ALK: variants seen among roughly 807,000 people sequenced by gnomAD.
ALK encodes the protein ALK tyrosine kinase receptor.
In ALK, 74 loss-of-function variants were observed where a neutral mutation model predicts 163.1. The observed-to-expected ratio is 0.45, with a 90% CI of 0.38 to 0.55. The LOEUF (loss-of-function observed/expected upper bound fraction) is 0.55, where lower values mean the gene tolerates loss of function less well. ALK is among the 20% of genes least tolerant of loss of function. The probability of loss-of-function intolerance (pLI) is 0.00; values close to 1 mark genes in which losing one functional copy is unlikely to be tolerated. For synonymous variants in ALK, 960 were observed against 843.2 expected (o/e 1.14, Z -2.40); for missense variants, 2,063 against 2,105.3 (o/e 0.98, Z 0.39).
intron 1 of ALK, among the ~76,000 whole-genome samples, chr2:29,834,045 G>A (rs1665493328): frequency 6.6e-6 from 1 of 152,130 alleles, no homozygotes; most frequent in African/African-American, 2.4e-5. Flanking sequence ...TGGGGTATAC[G>A]AAAGCACTTT....
intron 5 of ALK, among the ~76,000 whole-genome samples, chr2:29,351,540 C>T (rs529522046): frequency 1.7e-4 from 26 of 152,336 alleles, no homozygotes; most frequent in African/African-American, 4.8e-4. Context: ...CACCACAGAT[C>T]GAGCCACGGG....
At chr2:29,852,654 T>C (rs1001872055) in intron 1 of ALK, among the ~76,000 whole-genome samples, 2 of 152,206 alleles carry the variant, frequency 1.3e-5, no homozygotes, top group African/African-American at 2.4e-5. Context: ...CTAATGGGTA[T>C]GCCTGACAAC....
intron 1 of ALK, among the ~76,000 whole-genome samples, chr2:29,718,490 T>C (rs569560816): frequency 6.6e-6 from 1 of 152,344 alleles, no homozygotes; most frequent in South Asian, 2.1e-4. Context: ...AAAGCCTTTT[T>C]TGTTAAAGAA....
At chr2:29,251,822 C>T (rs531974137) in intron 11 of ALK, among the ~76,000 whole-genome samples, 14 of 152,242 alleles carry the variant, frequency 9.2e-5, no homozygotes, top group Admixed American at 2.6e-4. Context: ...ATTGAAAGCT[C>T]GGTGATGCTA....
At chr2:29,515,033 A>G (rs1282829028) in intron 4 of ALK, among the ~76,000 whole-genome samples, 1 of 152,124 alleles carries the variant, frequency 6.6e-6, no homozygotes, top group Non-Finnish European at 1.5e-5. Context: ...CTCTCCAGCC[A>G]GTCTCCTCTT....
At chr2:29,209,209 G>A (rs1669396376) in intron 25 of ALK, among the ~76,000 whole-genome samples, 1 of 152,102 alleles carries the variant, frequency 6.6e-6, no homozygotes, top group South Asian at 2.1e-4. Flanking sequence ...TCAGAGCATG[G>A]CCAGATTACA....
chr2:29,833,901 C>T (rs984072557), intron 1 of ALK, among the ~76,000 whole-genome samples: 4 of 152,164 alleles, frequency 2.6e-5, no homozygotes, highest in African/African-American at 4.8e-5. Context: ...CATGATTACT[C>T]GAGATCTCTT....
chr2:29,633,258 T>A (rs2879507), intron 3 of ALK, among the ~76,000 whole-genome samples: 95,578 of 151,826 alleles, frequency 0.63, 30,958 homozygotes, highest in East Asian at 0.73. Context: ...CAAAATAATC[T>A]TTAGAACATG....
intron 4 of ALK, among the ~76,000 whole-genome samples, chr2:29,416,391 C>T (rs1669877266): frequency 6.6e-6 from 1 of 152,218 alleles, no homozygotes; most frequent in Non-Finnish European, 1.5e-5. Flanking sequence ...CTTCAAGTGC[C>T]TCACTCATGA....
intron 25 of ALK, among the ~76,000 whole-genome samples, chr2:29,207,704 C>T (rs1669349350): frequency 6.6e-6 from 1 of 152,236 alleles, no homozygotes; most frequent in Non-Finnish European, 1.5e-5. Context: ...TCCTCTGACA[C>T]TCACACAGCA....
intron 5 of ALK, among the ~76,000 whole-genome samples, chr2:29,333,312 C>T (rs1006524067): frequency 4.6e-5 from 7 of 152,110 alleles, no homozygotes; most frequent in East Asian, 1.9e-4. Flanking sequence ...GACGAGGTTT[C>T]GCCATGTTGG....
intron 4 of ALK, among the ~76,000 whole-genome samples, chr2:29,392,582 G>C (rs1353550095): frequency 6.6e-6 from 1 of 152,120 alleles, no homozygotes; most frequent in African/African-American, 2.4e-5. Context: ...CTTGTTGGGG[G>C]CTGATGTCCA....
intron 5 of ALK, among the ~76,000 whole-genome samples, chr2:29,340,003 C>A (rs1057145684): frequency 6.6e-6 from 1 of 152,154 alleles, no homozygotes; most frequent in African/African-American, 2.4e-5. Context: ...GTCTCCATAG[C>A]CCCTTTATTT....
intron 1 of ALK, among the ~76,000 whole-genome samples, chr2:29,882,691 C>A (rs143078732): frequency 6.6e-6 from 1 of 152,110 alleles, no homozygotes; most frequent in African/African-American, 2.4e-5. Context: ...GCAACAACAA[C>A]GACAACGAAC....
chr2:29,278,630 T>C (rs750396792), intron 9 of ALK, among the ~76,000 whole-genome samples: 70 of 152,216 alleles, frequency 4.6e-4, no homozygotes, highest in Non-Finnish European at 8.2e-4. Flanking sequence ...GGATCTCAAC[T>C]GGAAAACCAG....
chr2:29,816,652 T>G (rs13019950), intron 1 of ALK, among the ~76,000 whole-genome samples: 41,157 of 151,994 alleles, frequency 0.27, 7,289 homozygotes, highest in African/African-American at 0.51. Context: ...GGAAGGAAAG[T>G]CTGGGCCACA....
intron 1 of ALK, among the ~76,000 whole-genome samples, chr2:29,826,616 T>C (rs1244423396): frequency 1.3e-5 from 2 of 152,334 alleles, no homozygotes; most frequent in East Asian, 1.9e-4. Flanking sequence ...GCAAATGTTC[T>C]TGGTGTGCAA....
chr2:29,197,516 C>G (rs557967268), intron 27 of ALK, 26 bp downstream of exon 27: 2 of 1,612,534 alleles, frequency 1.2e-6, no homozygotes, highest in Admixed American at 3.3e-5. Flanking sequence ...TAGTAACTAG[C>G]AGAAGTGTTC....
At chr2:29,402,163 T>G (rs11690456) in intron 4 of ALK, among the ~76,000 whole-genome samples, 12,872 of 152,286 alleles carry the variant, frequency 0.085, 736 homozygotes, top group Middle Eastern at 0.15. Flanking sequence ...GCCCAAACTC[T>G]GCTGAAAGCC....
Sources: gnomAD v4.1 joint callset for allele counts (sites outside exome capture counted in the v4.1 genomes callset) on GRCh38, gnomAD v4.1.1 for gene constraint, MANE v1.5 for transcripts, NCBI Gene and HGNC (gene_info 2026-07-23, HGNC 2026-07-21) for gene names.